Variants in BEND6 observed in about 807,000 individuals in gnomAD.
The protein encoded by BEND6 is BEN domain containing 6, also known as BEN domain-containing protein 6.
BEND6 carries 24 observed loss-of-function variants against 31.8 expected under a neutral mutation model. The observed-to-expected ratio is 0.75, with a 90% CI of 0.55 to 1.06. The LOEUF (loss-of-function observed/expected upper bound fraction) is 1.06. Among genes scored for constraint, BEND6 ranks in the 50% least tolerant of loss-of-function variants. The pLI is 0.00. For missense variants in BEND6, 294 were observed against 327.4 expected, an observed-to-expected ratio of 0.90 and a Z score of 0.79; for synonymous variants, 109 against 114.6, an observed-to-expected ratio of 0.95 and a Z score of 0.31.
chr6:56,979,824 C>A (rs562478008), intron 1 of BEND6, among the ~76,000 whole-genome samples: 1 of 152,114 alleles, frequency 6.6e-6, no homozygotes, highest in Admixed American at 6.5e-5. Context: ...GTTTGTCAAC[C>A]CTGTTCTCAC....
At chr6:56,987,670 T>C (rs1404064032) in intron 2 of BEND6, among the ~76,000 whole-genome samples, 1 of 152,204 alleles carries the variant, frequency 6.6e-6, no homozygotes, top group Non-Finnish European at 1.5e-5. Flanking sequence ...TTGCCCAGGC[T>C]CCTCCTCCAT....
intron 2 of BEND6, among the ~76,000 whole-genome samples, chr6:56,989,317 T>C (rs933206580): frequency 2.6e-5 from 4 of 152,160 alleles, no homozygotes; most frequent in Non-Finnish European, 5.9e-5. Context: ...TCACTATCAA[T>C]GCTGTATAAT....
intron 1 of BEND6, chr6:56,976,196 GC>G: frequency 5.8e-6 from 1 of 173,028 alleles, no homozygotes; most frequent in Non-Finnish European, 1.2e-5. Flanking sequence ...TAGTGTTAGT[GC>G]TTTTTTTTTT....
intron 3 of BEND6, chr6:57,010,509 T>TA (rs1827308147): frequency 5.3e-6 from 1 of 189,746 alleles, no homozygotes; most frequent in African/African-American, 2.4e-5. Context: ...TAATTTTAAA[T>TA]ACACCTTTTA....
chr6:56,979,773 C>A (rs544310321), intron 1 of BEND6, among the ~76,000 whole-genome samples: 1 of 152,302 alleles, frequency 6.6e-6, no homozygotes, highest in African/African-American at 2.4e-5. Context: ...TATTGGCTTG[C>A]AGTATCTAAA....
chr6:56,971,591 A>G (rs895640524), intron 1 of BEND6, among the ~76,000 whole-genome samples: 1 of 152,170 alleles, frequency 6.6e-6, no homozygotes, highest in Non-Finnish European at 1.5e-5. Context: ...TACCACCAAC[A>G]GTGCACAGGG....
chr6:56,984,150 G>A (rs1202454008), intron 2 of BEND6, among the ~76,000 whole-genome samples: 5 of 151,830 alleles, frequency 3.3e-5, no homozygotes, highest in African/African-American at 1.2e-4. Flanking sequence ...CAGTCTAGGA[G>A]TTTCAGGCTG....
intron 1 of BEND6, among the ~76,000 whole-genome samples, chr6:56,976,247 G>A (rs896809405): frequency 2.7e-5 from 4 of 150,174 alleles, no homozygotes; most frequent in African/African-American, 7.4e-5. Flanking sequence ...CCAGGCTGGA[G>A]TGCAGTGGCG....
intron 3 of BEND6, among the ~76,000 whole-genome samples, chr6:56,999,871 G>A (rs1015743051): frequency 6.6e-5 from 10 of 152,236 alleles, no homozygotes; most frequent in Middle Eastern, 6.8e-3. Context: ...AGACCTGGCC[G>A]CCCATTGTCT....
intron 3 of BEND6, among the ~76,000 whole-genome samples, chr6:57,007,856 G>A (rs1224452975): frequency 6.6e-6 from 1 of 152,164 alleles, no homozygotes; most frequent in Non-Finnish European, 1.5e-5. Flanking sequence ...GGGTCCAGCT[G>A]TGTTTTCTGG....
intron 1 of BEND6, among the ~76,000 whole-genome samples, chr6:56,974,232 C>T (rs1304372096): frequency 6.6e-6 from 1 of 152,074 alleles, no homozygotes; most frequent in Non-Finnish European, 1.5e-5. Flanking sequence ...GGAATTAAAG[C>T]AGATGGCCTG....
At chr6:56,992,603 A>G (rs746847193) in intron 3 of BEND6, 48 bp downstream of exon 3, 4 of 1,558,080 alleles carry the variant, frequency 2.6e-6, no homozygotes, top group Non-Finnish European at 3.5e-6. Flanking sequence ...AAAGTATATG[A>G]TCAGTGGAAA....
At chr6:56,964,292 C>T (rs1825391307) in intron 1 of BEND6, among the ~76,000 whole-genome samples, 3 of 152,054 alleles carry the variant, frequency 2.0e-5, no homozygotes, top group Non-Finnish European at 4.4e-5. Flanking sequence ...AAAACTGTAC[C>T]TCTACCAATA....
chr6:56,979,825 C>T (rs1476976412), intron 1 of BEND6, among the ~76,000 whole-genome samples: 2 of 152,172 alleles, frequency 1.3e-5, no homozygotes, highest in South Asian at 4.1e-4. Context: ...TTTGTCAACC[C>T]TGTTCTCACA....
intron 1 of BEND6, among the ~76,000 whole-genome samples, chr6:56,970,066 G>A (rs551917662): frequency 6.6e-6 from 1 of 152,196 alleles, no homozygotes; most frequent in South Asian, 2.1e-4. Context: ...TGTAGTAAGG[G>A]TAAATATGTT....
chr6:57,012,689 T>G (rs1354582218), intron 3 of BEND6, among the ~76,000 whole-genome samples: 1 of 152,170 alleles, frequency 6.6e-6, no homozygotes, highest in Non-Finnish European at 1.5e-5. Flanking sequence ...TACAATGCAA[T>G]GTATACAGCA....
intron 1 of BEND6, among the ~76,000 whole-genome samples, chr6:56,972,638 A>G (rs75184673): frequency 8.0e-4 from 122 of 152,346 alleles, no homozygotes; most frequent in Middle Eastern, 6.8e-3. Context: ...TAAAAAGAAG[A>G]TGTATTTCTC....
At chr6:56,960,445 AAGGT>A (rs998975880) in intron 1 of BEND6, among the ~76,000 whole-genome samples, 4 of 152,178 alleles carry the variant, frequency 2.6e-5, no homozygotes, top group African/African-American at 9.7e-5. Context: ...ATAAAAAAGT[AAGGT>A]AGGAGCTTTA....
chr6:57,005,201 G>A (rs1479568084), intron 3 of BEND6, among the ~76,000 whole-genome samples: 1 of 152,028 alleles, frequency 6.6e-6, no homozygotes, highest in African/African-American at 2.4e-5. Context: ...GTAGCTACCA[G>A]TTTTAAAAAG....
Sources: gnomAD v4.1 joint callset for allele counts (sites outside exome capture counted in the v4.1 genomes callset) on GRCh38, gnomAD v4.1.1 for gene constraint, MANE v1.5 for transcripts, NCBI Gene and HGNC (gene_info 2026-07-23, HGNC 2026-07-21) for gene names.